Variants in PRKCE observed in about 807,000 individuals in gnomAD.
The protein encoded by PRKCE is protein kinase C epsilon type.
Under a neutral mutation model 85.4 loss-of-function variants are expected in PRKCE, and 16 were observed. That is an observed-to-expected ratio of 0.19 (90% CI 0.13 to 0.28). The LOEUF (loss-of-function observed/expected upper bound fraction) is 0.28. PRKCE is among the 10% of genes least tolerant of loss of function. PRKCE has a pLI of 1.00. For missense variants in PRKCE, 573 were observed against 975.2 expected, an observed-to-expected ratio of 0.59 and a Z score of 5.49; for synonymous variants, 388 against 371.5, an observed-to-expected ratio of 1.04 and a Z score of -0.51.
intron 2 of PRKCE, among the ~76,000 whole-genome samples, chr2:45,967,192 G>A (rs117491406): frequency 3.9e-5 from 6 of 152,172 alleles, no homozygotes; most frequent in South Asian, 2.1e-4. Flanking sequence ...GATGTGGAGC[G>A]GTATGTACTA....
At chr2:45,930,929 G>A (rs1333719250) in intron 2 of PRKCE, among the ~76,000 whole-genome samples, 3 of 152,158 alleles carry the variant, frequency 2.0e-5, no homozygotes, top group Admixed American at 6.5e-5. Flanking sequence ...GCCGGGTTTA[G>A]GAGAAGGCAA....
intron 2 of PRKCE, among the ~76,000 whole-genome samples, chr2:45,916,289 G>A (rs1457747027): frequency 6.7e-6 from 1 of 150,030 alleles, no homozygotes; most frequent in African/African-American, 2.5e-5. Flanking sequence ...ATGCAGGCTG[G>A]AGTGTAGTGG....
intron 11 of PRKCE, among the ~76,000 whole-genome samples, chr2:46,102,022 T>C (rs1323336132): frequency 1.3e-5 from 2 of 150,118 alleles, no homozygotes; most frequent in Non-Finnish European, 3.0e-5. Context: ...TGAGCTGGTG[T>C]GAGCTAGCTA....
chr2:46,058,657 G>T (rs1390596769), intron 10 of PRKCE, among the ~76,000 whole-genome samples: 1 of 152,114 alleles, frequency 6.6e-6, no homozygotes, highest in Non-Finnish European at 1.5e-5. Context: ...CAGTCTTCCA[G>T]ATGTCCCAAA....
chr2:45,892,409 A>G (rs537138511), intron 2 of PRKCE, among the ~76,000 whole-genome samples: 9 of 151,986 alleles, frequency 5.9e-5, no homozygotes, highest in African/African-American at 2.2e-4. Context: ...TTTTTTTTTC[A>G]TAAGAGAGCA....
rs1036247980 is a variant in PRKCE, at chr2:46,001,182, A to G, written c.824-222A>G. Among the ~76,000 whole-genome samples, 1 of 151,974 alleles carries G rather than the reference A, an allele frequency of 6.6e-6. No individual in the cohort carries two copies. Among genetic ancestry groups the G allele is most frequent in the Non-Finnish European group, 1.5e-5 (1 of 68,006 alleles). On this transcript the variant is annotated intron_variant, in intron 6 of 14. Transcript: ENST00000306156. The surrounding 1 kb of genome is among the most constrained non-coding windows in gnomAD (Gnocchi z 4.4). ...ATACGTAGAAAGGATGGCTGGAATGAAGTACTAGAAACAGTGGTTATCTCT... is the reference window on the plus strand; with the variant it reads ...ATACGTAGAAAGGATGGCTGGAATGGAGTACTAGAAACAGTGGTTATCTCT...
rs769313874 is a variant in PRKCE, at chr2:45,744,549, T to TCTTCCTTCCTTC, written c.348+92117_348+92128dup. ...CTTTTTCTTTCCTTCTTTCTTTCTT[T>TCTTCCTTCCTTC]CTTCCTTCCTTCCTTCCTTCCTTCC... On this transcript the variant is annotated intron_variant, in intron 1 of 14. Coordinates refer to ENST00000306156, the MANE Select transcript of PRKCE (RefSeq NM_005400.3). Among the ~76,000 whole-genome samples, 11 of 84,146 alleles carry TCTTCCTTCCTTC rather than the reference T, an allele frequency of 1.3e-4. 1 individual carries two copies. The East Asian group carries it at 3.0e-3, about 23-fold the overall frequency. The allele number at this position is 84,146 out of a possible 152,430, so 55.2% of individuals were successfully genotyped here.
At chr2:45,800,297 TAA>T (rs1687757400) in intron 1 of PRKCE, among the ~76,000 whole-genome samples, 1 of 152,346 alleles carries the variant, frequency 6.6e-6, no homozygotes, top group African/African-American at 2.4e-5. Context: ...CTGTTCAGTA[TAA>T]GTCACCTTGA....
rs556960174 is a variant in PRKCE at position 45,940,636 on chromosome 2, G to A, written c.413-35793G>A. Reference sequence around the variant, plus strand: ...CACACATACACTCTGTTCACACAGCGCACACTCTTGCGCTCACAAGTGTTC... The same window carrying A: ...CACACATACACTCTGTTCACACAGCACACACTCTTGCGCTCACAAGTGTTC... On this transcript the variant is annotated intron_variant, in intron 2 of 14. Transcript: ENST00000306156. Among the ~76,000 whole-genome samples the A allele has an allele frequency of 3.1e-4, 47 of 152,262 alleles. No individual in the cohort carries two copies. The East Asian group carries it at 3.9e-3, about 12-fold the overall frequency.
intron 2 of PRKCE, among the ~76,000 whole-genome samples, chr2:45,917,952 C>T (rs1487407611): frequency 6.6e-6 from 1 of 152,182 alleles, no homozygotes; most frequent in African/African-American, 2.4e-5. Context: ...GCAGGGCCGG[C>T]GGCCGGCTGC....
intron 10 of PRKCE, among the ~76,000 whole-genome samples, chr2:46,023,135 C>T (rs915086665): frequency 1.4e-5 from 2 of 146,606 alleles, no homozygotes; most frequent in African/African-American, 2.6e-5. Flanking sequence ...AGATCCCAAG[C>T]TGACTTGAGA....
chr2:45,806,089 A>G (rs1688222017), intron 1 of PRKCE, among the ~76,000 whole-genome samples: 1 of 152,170 alleles, frequency 6.6e-6, no homozygotes, highest in Non-Finnish European at 1.5e-5. Context: ...GCAGAGTTTT[A>G]GTTGCCTGGG....
intron 2 of PRKCE, among the ~76,000 whole-genome samples, chr2:45,968,990 C>T (rs951864659): frequency 6.6e-6 from 1 of 150,438 alleles, no homozygotes; most frequent in African/African-American, 2.4e-5. Context: ...CCCATTTTTG[C>T]TCCTCTTGTC....
chr2:46,137,757 C>CAA (rs542034194), intron 11 of PRKCE, among the ~76,000 whole-genome samples: 16 of 118,758 alleles, frequency 1.3e-4, no homozygotes, highest in African/African-American at 4.4e-4. Context: ...GACCCTGTCT[C>CAA]AAAAAAAAAA....
chr2:46,053,462 T>C (rs1292196367), intron 10 of PRKCE, among the ~76,000 whole-genome samples: 2 of 152,194 alleles, frequency 1.3e-5, no homozygotes, highest in East Asian at 3.8e-4. Flanking sequence ...CGTTTCATCT[T>C]GTAAAACGAA....
intron 11 of PRKCE, among the ~76,000 whole-genome samples, chr2:46,121,727 C>T (rs1022477969): frequency 2.6e-5 from 4 of 152,192 alleles, no homozygotes; most frequent in African/African-American, 9.6e-5. Context: ...GAACTGACAA[C>T]AGACAGGTGT....
Position 45,691,373 on chromosome 2 carries a change from A to T in PRKCE, c.348+38925A>T, listed in dbSNP as rs190047853. Among the ~76,000 whole-genome samples the T allele has an allele frequency of 1.5e-4, 23 of 152,338 alleles. No individual in the cohort carries two copies. In the East Asian group the frequency reaches 4.4e-3, roughly 29 times the overall value. ...TCATGAGAATTATTTATGGCCACCA[A>T]GCTGGTGGACACCAGCAGACTGAGT... On this transcript the variant is annotated intron_variant, in intron 1 of 14. Coordinates refer to ENST00000306156, the MANE Select transcript of PRKCE (RefSeq NM_005400.3).
At chr2:46,122,275 A>C (rs1673386978) in intron 11 of PRKCE, among the ~76,000 whole-genome samples, 1 of 152,112 alleles carries the variant, frequency 6.6e-6, no homozygotes, top group Admixed American at 6.5e-5. Flanking sequence ...TCTGTCATCC[A>C]GGGTGGAGTG....
intron 11 of PRKCE, among the ~76,000 whole-genome samples, chr2:46,110,158 G>A (rs1454532848): frequency 6.6e-6 from 1 of 152,052 alleles, no homozygotes; most frequent in Non-Finnish European, 1.5e-5. Flanking sequence ...ATATTTTCTT[G>A]TAATATCTTT....
Sources: gnomAD v4.1 joint callset for allele counts (sites outside exome capture counted in the v4.1 genomes callset) on GRCh38, gnomAD v4.1.1 for gene constraint, Gnocchi (gnomAD v3.1) non-coding constraint, MANE v1.5 for transcripts, NCBI Gene and HGNC (gene_info 2026-07-23, HGNC 2026-07-21) for gene names.